The following GLT8D2 variants were observed in gnomAD, a reference collection of about 807,000 sequenced individuals.
GLT8D2 encodes glycosyltransferase 8 domain containing 2.
GLT8D2 carries 45 observed loss-of-function variants against 44.5 expected under a neutral mutation model. That is an observed-to-expected ratio of 1.01 (90% CI 0.80 to 1.30). The LOEUF (loss-of-function observed/expected upper bound fraction) is 1.30. Ranked by LOEUF, GLT8D2 falls within the 50% of genes most tolerant of loss-of-function variation. The probability of loss-of-function intolerance (pLI) is 0.00; values close to 1 mark genes in which losing one functional copy is unlikely to be tolerated. For synonymous variants in GLT8D2, 156 were observed against 157.2 expected (o/e 0.99, Z 0.06); for missense variants, 400 against 430.4 (o/e 0.93, Z 0.62).
At chr12:104,014,255 T>A (rs538558063) in intron 4 of GLT8D2, 3 of 699,296 alleles carry the variant, frequency 4.3e-6, no homozygotes, top group Non-Finnish European at 7.8e-6. Flanking sequence ...CCTGGGGTGC[T>A]GAGGCCGGAG....
In GLT8D2 at chr12:104,061,308, T is replaced by C. The variant is rs539911749; in HGVS notation, c.-423+2641A>G. On this transcript the variant is annotated intron_variant, in intron 1 of 10. Transcript: ENST00000548660. ...AATTTTTCTCCTAGTTCAAGGGTAC[T>C]TGGGCTTTCAAATATCATAGACTAG... Among the ~76,000 whole-genome samples, 24 of 152,354 alleles carry C rather than the reference T, an allele frequency of 1.6e-4. 1 individual carries two copies. The South Asian group carries it at 4.3e-3, about 28-fold the overall frequency.
At chr12:104,012,579 A>G in intron 4 of GLT8D2, 1 of 415,536 alleles carries the variant, frequency 2.4e-6, no homozygotes, top group Non-Finnish European at 4.3e-6. Context: ...CAGGGATTGA[A>G]GCATGAAGAG....
chr12:104,008,310 G>T (rs925885277), intron 4 of GLT8D2, among the ~76,000 whole-genome samples: 2 of 152,198 alleles, frequency 1.3e-5, no homozygotes, highest in South Asian at 2.1e-4. Context: ...TGAGGAACTT[G>T]TTGGGAACTG....
intron 1 of GLT8D2, among the ~76,000 whole-genome samples, chr12:104,048,764 C>G (rs1881425565): frequency 6.6e-6 from 1 of 152,208 alleles, no homozygotes; most frequent in African/African-American, 2.4e-5. Flanking sequence ...TCACTTTTGT[C>G]ACCACTGCCA....
chr12:104,027,780 T>C (rs1878757626), intron 1 of GLT8D2, among the ~76,000 whole-genome samples: 1 of 152,128 alleles, frequency 6.6e-6, no homozygotes, highest in Non-Finnish European at 1.5e-5. Flanking sequence ...CTCAAAATCA[T>C]AAATCTTGTA....
Position 103,989,494 on chromosome 12 carries a change from C to T in GLT8D2, c.964G>A (p.Asp322Asn). The change falls in exon 11 of 11, where the codon GAC becomes AAC. Residue 322 changes from aspartate to asparagine, a missense_variant. Coordinates refer to ENST00000360814, the MANE Select transcript of GLT8D2 (RefSeq NM_001384711.1). ...AAGTCGTTGTGAACACTAGGGAAGT[C>T]CCAAGGTTTATGTCTTCCATTCCAG... ...LHWNGRHKPW[D>N]FPSVHNDLWE... The T allele has an allele frequency of 6.2e-7, 1 of 1,613,730 alleles. No homozygotes were observed. The highest frequency in any genetic ancestry group is 1.7e-5 in the Admixed American group (1 of 60,000).
chr12:103,990,756 T>C (rs1872655044), intron 10 of GLT8D2, among the ~76,000 whole-genome samples: 2 of 152,264 alleles, frequency 1.3e-5, no homozygotes, highest in Admixed American at 1.3e-4. Flanking sequence ...ACTGGAATAA[T>C]TATCAATCAT....
In GLT8D2 at chr12:103,994,396, T is replaced by A. The variant is rs369807655; in HGVS notation, c.706A>T (p.Thr236Ser). ...GTGATGCGCTGGTGCTTCCATTCTG[T>A]CATGTTGGCAACAATCACACCAGGA... The part of the protein sequence containing the change: ...FNPGVIVANM[T>S]EWKHQRITKQ... The change falls in exon 9 of 11, where the codon ACA becomes TCA. Residue 236 changes from threonine (T) to serine (S), a missense_variant. By Grantham distance (58) the Thr-to-Ser change is moderately conservative (BLOSUM62 1). Coordinates refer to ENST00000360814, the MANE Select transcript of GLT8D2 (RefSeq NM_001384711.1). 36 of 1,614,116 alleles carry A rather than the reference T, an allele frequency of 2.2e-5. No individual in the cohort carries two copies. The South Asian group carries it at 3.6e-4, about 16-fold the overall frequency.
intron 8 of GLT8D2, among the ~76,000 whole-genome samples, chr12:103,995,123 C>G (rs1873248256): frequency 6.6e-6 from 1 of 152,178 alleles, no homozygotes; most frequent in Non-Finnish European, 1.5e-5. Flanking sequence ...CCTTCCTGTT[C>G]AGGCCATAAT....
chr12:104,051,327 C>A (rs750053531), upstream of GLT8D2, among the ~76,000 whole-genome samples: 3 of 152,032 alleles, frequency 2.0e-5, no homozygotes, highest in Non-Finnish European at 4.4e-5. Flanking sequence ...GAAAAAAGTA[C>A]AAAGAGGTAA....
In GLT8D2 at chr12:104,015,083, A is replaced by G. The variant is rs1876380097; in HGVS notation, c.42T>C (p.Leu14=). 2 of 1,613,706 alleles carry G rather than the reference A, an allele frequency of 1.2e-6. No homozygotes were observed. Among genetic ancestry groups the G allele is most frequent in the Non-Finnish European group, 1.7e-6 (2 of 1,179,660 alleles). The change falls in exon 4 of 11, where the codon CTT becomes CTC. Residue 14 remains leucine (L), a synonymous_variant. Coordinates refer to ENST00000360814, the MANE Select transcript of GLT8D2 (RefSeq NM_001384711.1). ...GAATCACACAGAGGGTCACGATCAG[A>G]AGGAACAGCAGCACCTGATTAACTG... ...LRKINQVLLF[L]LIVTLCVILY...
rs1175888989 is a variant in GLT8D2, at chr12:104,021,867, AAAGAAG to A, written c.-163-382_-163-377del. On this transcript the variant is annotated intron_variant, in intron 1 of 10. Transcript: ENST00000360814. ...GAAGGAGAAGGAGAAGGAGAAGAAG[AAAGAAG>A]AAGAAGAAGAAGAAGAAGAAGAAGA... is the stretch of plus-strand genomic sequence containing the variant. Among the ~76,000 whole-genome samples the A allele has an allele frequency of 5.0e-3, 467 of 93,494 alleles. 3 individuals carry two copies. Among genetic ancestry groups the A allele is most frequent in the Non-Finnish European group, 6.5e-3 (291 of 44,912 alleles). 61.3% of individuals were successfully genotyped at this position (93,494 alleles called of 152,430 possible).
chr12:104,002,581 T>C (rs1874366283), intron 5 of GLT8D2, among the ~76,000 whole-genome samples: 1 of 152,186 alleles, frequency 6.6e-6, no homozygotes, highest in African/African-American at 2.4e-5. Flanking sequence ...TTTTATAATA[T>C]GTTCAAATTT....
At chr12:104,012,567 A>T (rs1356019947) in intron 4 of GLT8D2, 1 of 405,288 alleles carries the variant, frequency 2.5e-6, no homozygotes, top group East Asian at 3.9e-5. Context: ...TTGGTTTATG[A>T]GCAGGGATTG....
At chr12:104,022,531 T>A (rs549912909) in intron 1 of GLT8D2, among the ~76,000 whole-genome samples, 1 of 152,182 alleles carries the variant, frequency 6.6e-6, no homozygotes, top group East Asian at 1.9e-4. Context: ...AAAAGGGAGA[T>A]TTTTTTCAGT....
chr12:104,025,627 A>G (rs543743026), intron 1 of GLT8D2, among the ~76,000 whole-genome samples: 3 of 152,176 alleles, frequency 2.0e-5, no homozygotes, highest in Non-Finnish European at 2.9e-5. Flanking sequence ...TGGACTTAAT[A>G]TTTACATTCA....
chr12:104,024,363 G>A (rs1259601923), intron 1 of GLT8D2, among the ~76,000 whole-genome samples: 1 of 152,120 alleles, frequency 6.6e-6, no homozygotes, highest in Non-Finnish European at 1.5e-5. Context: ...GAGCCTGGAG[G>A]TCGAGGCTGC....
At chr12:104,012,649 A>G (rs1876023665) in intron 4 of GLT8D2, 1 of 490,176 alleles carries the variant, frequency 2.0e-6, no homozygotes, top group East Asian at 3.4e-5. Context: ...TCTCTCTTTT[A>G]GAACAGTTTA....
At chr12:104,041,794 T>C (rs1216087499) in intron 1 of GLT8D2, among the ~76,000 whole-genome samples, 1 of 152,148 alleles carries the variant, frequency 6.6e-6, no homozygotes, top group Non-Finnish European at 1.5e-5. Context: ...AGTAAATATA[T>C]AATGGCAATA....
Sources: gnomAD v4.1 joint callset for allele counts (sites outside exome capture counted in the v4.1 genomes callset) on GRCh38, gnomAD v4.1.1 for gene constraint, MANE v1.5 for transcripts, NCBI Gene and HGNC (gene_info 2026-07-23, HGNC 2026-07-21) for gene names.